Variants in RABGAP1L observed in about 807,000 individuals in gnomAD.
The protein encoded by RABGAP1L is rab GTPase-activating protein 1-like.
In RABGAP1L, 63 loss-of-function variants were observed where a neutral mutation model predicts 137.7. The observed-to-expected ratio is 0.46, with a 90% CI of 0.37 to 0.56. The LOEUF is 0.56. Ranked by LOEUF, RABGAP1L falls within the 20% of genes least tolerant of loss-of-function variation. RABGAP1L has a pLI of 0.00. For missense variants in RABGAP1L, 1,095 were observed against 1,244.0 expected (o/e 0.88, Z 1.80); for synonymous variants, 431 against 433.7 (o/e 0.99, Z 0.08).
rs527780601 is a variant in RABGAP1L at position 174,636,652 on chromosome 1, G to A, written c.1711-723G>A. Among the ~76,000 whole-genome samples the A allele has an allele frequency of 1.2e-4, 19 of 152,186 alleles. 2 individuals carry two copies. The highest frequency in any genetic ancestry group is 4.6e-4 in the African/African-American group (19 of 41,512). On this transcript the variant is annotated intron_variant, in intron 13 of 25. Coordinates refer to ENST00000681986, the MANE Select transcript of RABGAP1L (RefSeq NM_001366446.1). ...TATTTTTACTTTTTAAATGACCATGGTCTGAGTTTTTATCAGATTGTCAGA... is the reference window on the plus strand; with the variant it reads ...TATTTTTACTTTTTAAATGACCATGATCTGAGTTTTTATCAGATTGTCAGA...
chr1:174,164,625 C>A (rs1664761255), intron 1 of RABGAP1L, among the ~76,000 whole-genome samples: 1 of 152,140 alleles, frequency 6.6e-6, no homozygotes, highest in Non-Finnish European at 1.5e-5. Context: ...AATATTTACA[C>A]CAGGAAATTC....
chr1:174,702,356 C>A, intron 17 of RABGAP1L, 100 bp downstream of exon 17: 1 of 986,136 alleles, frequency 1.0e-6, no homozygotes, highest in Non-Finnish European at 1.4e-6. Context: ...TGACATTAAG[C>A]CATAAATACT....
chr1:174,839,056 T>TGTGTGTG (rs1553261082), intron 19 of RABGAP1L, among the ~76,000 whole-genome samples: 9 of 141,008 alleles, frequency 6.4e-5, no homozygotes, highest in Admixed American at 1.4e-4. Context: ...TGTGTGTGTG[T>TGTGTGTG]TGGTAGGGGT....
chr1:174,737,490 C>T (rs1683053847), intron 17 of RABGAP1L, among the ~76,000 whole-genome samples: 1 of 152,142 alleles, frequency 6.6e-6, no homozygotes, highest in Non-Finnish European at 1.5e-5. Flanking sequence ...CCACAATCAC[C>T]TAACAAGTCT....
chr1:174,487,979 C>T (rs981151042), intron 13 of RABGAP1L, among the ~76,000 whole-genome samples: 2 of 152,080 alleles, frequency 1.3e-5, no homozygotes, highest in African/African-American at 2.4e-5. Context: ...TATTATACTG[C>T]CTGATTTCAA....
chr1:174,176,808 G>A (rs1051512963), intron 1 of RABGAP1L, among the ~76,000 whole-genome samples: 2 of 150,078 alleles, frequency 1.3e-5, no homozygotes, highest in African/African-American at 4.9e-5. Context: ...GGCTGGGCAT[G>A]GTGGCTCACG....
intron 19 of RABGAP1L, among the ~76,000 whole-genome samples, chr1:174,936,586 G>A (rs1403700037): frequency 1.3e-5 from 2 of 152,122 alleles, no homozygotes; most frequent in African/African-American, 4.8e-5. Flanking sequence ...AACAGAGCAA[G>A]ACCCTTTCTC....
intron 13 of RABGAP1L, among the ~76,000 whole-genome samples, chr1:174,518,898 G>A (rs990618149): frequency 2.0e-5 from 3 of 152,130 alleles, no homozygotes; most frequent in Admixed American, 6.6e-5. Context: ...TTTTACAGTA[G>A]CTGAGGATTT....
chr1:174,504,426 A>C (rs1252721829), intron 13 of RABGAP1L, among the ~76,000 whole-genome samples: 2 of 150,968 alleles, frequency 1.3e-5, no homozygotes, highest in African/African-American at 2.5e-5. Flanking sequence ...AAAAAAAAAA[A>C]CCAAACAAAT....
intron 13 of RABGAP1L, among the ~76,000 whole-genome samples, chr1:174,618,372 C>G (rs563618204): frequency 6.6e-6 from 1 of 151,022 alleles, no homozygotes; most frequent in East Asian, 2.0e-4. Flanking sequence ...CCACGCGTAG[C>G]CTAACTGGGA....
chr1:174,540,725 C>T (rs916647014), intron 13 of RABGAP1L, among the ~76,000 whole-genome samples: 34 of 152,212 alleles, frequency 2.2e-4, no homozygotes, highest in East Asian at 5.8e-4. Context: ...AGTCAGGTAG[C>T]GTGATGCCTC....
chr1:174,732,862 T>C (rs1339704613), intron 17 of RABGAP1L, among the ~76,000 whole-genome samples: 1 of 152,234 alleles, frequency 6.6e-6, no homozygotes, highest in African/African-American at 2.4e-5. Flanking sequence ...GACTCTGTCC[T>C]GTTTAGTGAT....
chr1:174,364,842 A>G (rs1684475417), intron 11 of RABGAP1L, among the ~76,000 whole-genome samples: 1 of 152,136 alleles, frequency 6.6e-6, no homozygotes, highest in Non-Finnish European at 1.5e-5. Flanking sequence ...TAGTTGGCAG[A>G]TGATAAATGC....
At chr1:174,323,843 T>G (rs1407046213) in intron 11 of RABGAP1L, among the ~76,000 whole-genome samples, 1 of 152,186 alleles carries the variant, frequency 6.6e-6, no homozygotes, top group Non-Finnish European at 1.5e-5. Context: ...CATGCATTTT[T>G]TATGATAAAT....
At chr1:174,499,972 G>A (rs1661106782) in intron 13 of RABGAP1L, among the ~76,000 whole-genome samples, 1 of 151,992 alleles carries the variant, frequency 6.6e-6, no homozygotes, top group African/African-American at 2.4e-5. Context: ...AGAGCTGAAG[G>A]GAATTTGGGG....
At chr1:174,669,373 G>T (rs930938952) in intron 14 of RABGAP1L, among the ~76,000 whole-genome samples, 1 of 151,940 alleles carries the variant, frequency 6.6e-6, no homozygotes, top group Non-Finnish European at 1.5e-5. Flanking sequence ...TTTTAGGTGG[G>T]GACACAGCCA....
At chr1:174,683,442 CAGG>C in intron 14 of RABGAP1L, 77 bp from the exon 15 acceptor site, 1 of 1,148,178 alleles carries the variant, frequency 8.7e-7, no homozygotes, top group Non-Finnish European at 1.3e-6. Context: ...CAGGAACAAG[CAGG>C]AGCCTGGTAT....
chr1:174,964,752 G>GC, intron 20 of RABGAP1L: 1 of 1,285,816 alleles, frequency 7.8e-7, no homozygotes, highest in Non-Finnish European at 1.0e-6. Context: ...GTTGAGACTT[G>GC]CCCACTGGCT....
chr1:174,641,201 C>A (rs1218466985), intron 14 of RABGAP1L, among the ~76,000 whole-genome samples: 4 of 151,838 alleles, frequency 2.6e-5, no homozygotes, highest in Non-Finnish European at 5.9e-5. Context: ...ATACAACAAT[C>A]TGACTTTGTA....
Sources: gnomAD v4.1 joint callset for allele counts (sites outside exome capture counted in the v4.1 genomes callset) on GRCh38, gnomAD v4.1.1 for gene constraint, MANE v1.5 for transcripts, NCBI Gene and HGNC (gene_info 2026-07-23, HGNC 2026-07-21) for gene names.